Variants in RGS6 observed in about 807,000 individuals in gnomAD.
RGS6 encodes regulator of G protein signaling 6, also known as regulator of G-protein signaling 6.
In RGS6, 30 loss-of-function variants were observed where a neutral mutation model predicts 78.5. That is an observed-to-expected ratio of 0.38 (90% CI 0.29 to 0.52). RGS6 has a LOEUF of 0.52. Among genes scored for constraint, RGS6 ranks in the 20% least tolerant of loss-of-function variants. The pLI is 0.85. For missense variants in RGS6, 495 were observed against 609.7 expected (o/e 0.81, Z 1.98); for synonymous variants, 206 against 206.0 (o/e 1.00, Z 0.00).
intron 3 of RGS6, among the ~76,000 whole-genome samples, chr14:72,397,217 T>C (rs1280218342): frequency 2.0e-5 from 3 of 152,226 alleles, no homozygotes; most frequent in African/African-American, 4.8e-5. Flanking sequence ...TATCCTCTTT[T>C]ATTTCATTTA....
chr14:72,120,584 G>T (rs957353420), intron 2 of RGS6, among the ~76,000 whole-genome samples: 8 of 152,180 alleles, frequency 5.3e-5, no homozygotes, highest in African/African-American at 1.9e-4. Flanking sequence ...ATGTTTAACA[G>T]GAGAACGGAT....
At chr14:72,204,531 C>T (rs1382543442) in intron 2 of RGS6, among the ~76,000 whole-genome samples, 1 of 152,158 alleles carries the variant, frequency 6.6e-6, no homozygotes, top group Non-Finnish European at 1.5e-5. Flanking sequence ...AACTGGGTGG[C>T]TTATGGACAA....
intron 3 of RGS6, among the ~76,000 whole-genome samples, chr14:72,376,726 C>A (rs2084829401): frequency 6.6e-6 from 1 of 152,056 alleles, no homozygotes; most frequent in South Asian, 2.1e-4. Flanking sequence ...ATATTATGCC[C>A]AGCAAAGCCA....
At chr14:72,583,788 A>G in the RGS6 span, among the ~76,000 whole-genome samples, 1 of 152,136 alleles carries the variant, frequency 6.6e-6, no homozygotes, top group Admixed American at 6.5e-5. Context: ...GGCCACCCAT[A>G]TGGTGCCAGT....
chr14:72,613,838 G>A, the RGS6 span, among the ~76,000 whole-genome samples: 1 of 152,136 alleles, frequency 6.6e-6, no homozygotes, highest in Non-Finnish European at 1.5e-5. Context: ...GGCGCCCGCC[G>A]CACAGCCAGG....
At chr14:72,279,317 A>G (rs2061207942) in intron 2 of RGS6, among the ~76,000 whole-genome samples, 1 of 152,124 alleles carries the variant, frequency 6.6e-6, no homozygotes, top group Non-Finnish European at 1.5e-5. Flanking sequence ...GGACAGGCCC[A>G]GAAATGGAAG....
intron 2 of RGS6, among the ~76,000 whole-genome samples, chr14:71,975,751 C>CCAGT (rs1429423990): frequency 1.3e-5 from 2 of 152,120 alleles, no homozygotes; most frequent in Non-Finnish European, 2.9e-5. Flanking sequence ...GCCACCATGC[C>CCAGT]CGACTGTGCT....
In RGS6 at chr14:72,038,015, G is replaced by A. The variant is rs188512307; in HGVS notation, c.84+73140G>A. 2.1e-5 allele frequency among the ~76,000 whole-genome samples: 3 copies of A among 145,998 alleles called. No individual in the cohort carries two copies. The East Asian group carries it at 5.8e-4, about 28-fold the overall frequency. ...AGATTGAGGCTCGCTCTGTTGCCCAGGCTGGAGTGCAATGGTGCAATCTCA... is the reference window on the plus strand; with the variant it reads ...AGATTGAGGCTCGCTCTGTTGCCCAAGCTGGAGTGCAATGGTGCAATCTCA... On this transcript the variant is annotated intron_variant, in intron 2 of 17. Coordinates refer to ENST00000553525, the MANE Select transcript of RGS6 (RefSeq NM_001204424.2).
intron 8 of RGS6, among the ~76,000 whole-genome samples, chr14:72,472,474 G>C (rs144948001): frequency 6.6e-6 from 1 of 152,228 alleles, no homozygotes. Context: ...TGGCAAGATG[G>C]TGGTTACATT....
intron 1 of RGS6, among the ~76,000 whole-genome samples, chr14:71,933,651 G>T (rs528180139): frequency 6.6e-6 from 1 of 152,262 alleles, no homozygotes; most frequent in East Asian, 1.9e-4. Flanking sequence ...TTAATTTGAC[G>T]GAGTAGGAAC....
chr14:72,023,543 A>T (rs1335373628), intron 2 of RGS6, among the ~76,000 whole-genome samples: 1 of 152,080 alleles, frequency 6.6e-6, no homozygotes, highest in East Asian at 1.9e-4. Flanking sequence ...GAGAGAAGGC[A>T]ACTGGAACGT....
chr14:72,040,016 C>A (rs2092245362), intron 2 of RGS6, among the ~76,000 whole-genome samples: 1 of 152,026 alleles, frequency 6.6e-6, no homozygotes, highest in Admixed American at 6.6e-5. Flanking sequence ...TGTTACCAAT[C>A]TTTCAAATTA....
chr14:72,047,725 A>G, intron 2 of RGS6, among the ~76,000 whole-genome samples: 1 of 151,728 alleles, frequency 6.6e-6, no homozygotes, highest in East Asian at 1.9e-4. Flanking sequence ...TACAAACTTC[A>G]TTTCTTTTTC....
chr14:72,420,895 G>A (rs1041497816), intron 3 of RGS6: 1 of 152,182 alleles, frequency 6.6e-6, no homozygotes, highest in Non-Finnish European at 1.5e-5. Flanking sequence ...ACTGAAGGCA[G>A]TTGCCTGCAG....
At chr14:72,058,203 A>G (rs892960914) in intron 2 of RGS6, among the ~76,000 whole-genome samples, 20 of 151,890 alleles carry the variant, frequency 1.3e-4, no homozygotes, top group Middle Eastern at 3.4e-3. Flanking sequence ...AGGGGTTTTT[A>G]AAACTTGTGC....
chr14:72,158,440 A>G (rs1050240142), intron 2 of RGS6, among the ~76,000 whole-genome samples: 1 of 152,184 alleles, frequency 6.6e-6, no homozygotes, highest in Non-Finnish European at 1.5e-5. Flanking sequence ...ACTTCCACAT[A>G]TAATTTTTTG....
At chr14:72,159,813 A>G (rs2096827892) in intron 2 of RGS6, among the ~76,000 whole-genome samples, 2 of 152,150 alleles carry the variant, frequency 1.3e-5, no homozygotes, top group Non-Finnish European at 2.9e-5. Context: ...CCAAAAATAA[A>G]TGGGGAGAAA....
At chr14:72,581,424 G>A in the RGS6 span, among the ~76,000 whole-genome samples, 5 of 151,852 alleles carry the variant, frequency 3.3e-5, no homozygotes, top group African/African-American at 4.8e-5. Flanking sequence ...CTCCCACCAC[G>A]ACAGCTCAGC....
chr14:72,327,740 C>G (rs569245067), intron 2 of RGS6, among the ~76,000 whole-genome samples: 5 of 152,190 alleles, frequency 3.3e-5, no homozygotes, highest in African/African-American at 4.8e-5. Flanking sequence ...TCCCTCCTGA[C>G]TGTGACTTAG....
Sources: gnomAD v4.1 joint callset for allele counts (sites outside exome capture counted in the v4.1 genomes callset) on GRCh38, gnomAD v4.1.1 for gene constraint, MANE v1.5 for transcripts, NCBI Gene and HGNC (gene_info 2026-07-23, HGNC 2026-07-21) for gene names.